Variants in CDH13 observed in about 807,000 individuals in gnomAD.
The protein encoded by CDH13 is cadherin-13.
CDH13 carries 24 observed loss-of-function variants against 63.8 expected under a neutral mutation model. That is an observed-to-expected ratio of 0.38 (90% confidence interval 0.27 to 0.53). The LOEUF (loss-of-function observed/expected upper bound fraction) is 0.53. Ranked by LOEUF, CDH13 falls within the 20% of genes least tolerant of loss-of-function variation. CDH13 has a pLI of 0.85. For missense variants in CDH13, 1,049 were observed against 903.1 expected, an observed-to-expected ratio of 1.16 and a Z score of -2.07; for synonymous variants, 503 against 355.3, an observed-to-expected ratio of 1.42 and a Z score of -4.67.
chr16:82,853,609 T>G (rs2039578030), intron 1 of CDH13, among the ~76,000 whole-genome samples: 2 of 152,244 alleles, frequency 1.3e-5, no homozygotes, highest in Non-Finnish European at 2.9e-5. Context: ...TGAACCAACG[T>G]GGCTTAAACC....
intron 4 of CDH13, among the ~76,000 whole-genome samples, chr16:83,140,315 C>T (rs921687283): frequency 6.6e-6 from 1 of 152,188 alleles, no homozygotes; most frequent in Non-Finnish European, 1.5e-5. Flanking sequence ...GTCTCAGAAA[C>T]CTTCTTCATG....
chr16:83,242,380 G>T (rs1904549334), intron 5 of CDH13, among the ~76,000 whole-genome samples: 1 of 152,188 alleles, frequency 6.6e-6, no homozygotes, highest in South Asian at 2.1e-4. Flanking sequence ...GAATTTTCTT[G>T]TGCCATATGA....
intron 5 of CDH13, among the ~76,000 whole-genome samples, chr16:83,224,579 G>T (rs2151796439): frequency 6.6e-6 from 1 of 152,312 alleles, no homozygotes; most frequent in Non-Finnish European, 1.5e-5. Flanking sequence ...AAAGGATTTG[G>T]GTTAAAAGCC....
chr16:83,393,498 A>G (rs2091826917), intron 6 of CDH13, among the ~76,000 whole-genome samples: 2 of 152,196 alleles, frequency 1.3e-5, no homozygotes, highest in Non-Finnish European at 2.9e-5. Flanking sequence ...AACAAAGTTC[A>G]TCTTTACTGA....
chr16:83,594,943 C>T (rs1907117534), intron 7 of CDH13, among the ~76,000 whole-genome samples: 1 of 152,120 alleles, frequency 6.6e-6, no homozygotes, highest in Non-Finnish European at 1.5e-5. Flanking sequence ...TGGAGATTCA[C>T]TCGAGGCTTT....
intron 5 of CDH13, among the ~76,000 whole-genome samples, chr16:83,252,802 C>A (rs1015391080): frequency 6.6e-6 from 1 of 152,040 alleles, no homozygotes; most frequent in Non-Finnish European, 1.5e-5. Flanking sequence ...TGCCCCCCAC[C>A]CCAATAAGGA....
intron 2 of CDH13, among the ~76,000 whole-genome samples, chr16:82,888,283 T>C (rs1485766448): frequency 6.6e-6 from 1 of 152,196 alleles, no homozygotes; most frequent in African/African-American, 2.4e-5. Context: ...TCATGAAATC[T>C]GGGAGAATAA....
In CDH13 at chr16:83,330,876, C is replaced by T. The variant is rs184741855; in HGVS notation, c.637-13986C>T. Among the ~76,000 whole-genome samples, 137 of 152,310 alleles carry T rather than the reference C, an allele frequency of 9.0e-4. 2 individuals are homozygous for T. Among genetic ancestry groups the T allele is most frequent in the Non-Finnish European group, 5.9e-5 (4 of 68,024 alleles). On this transcript the variant is annotated intron_variant, in intron 5 of 13. Coordinates refer to ENST00000567109, the MANE Select transcript of CDH13 (RefSeq NM_001257.5). ...CATCAGCAACATGCAAAAGACGCTT[C>T]TTAGATGCTTGAGACTGTAAACCCT...
At chr16:83,287,084 A>T (rs1052945597) in intron 5 of CDH13, among the ~76,000 whole-genome samples, 2 of 152,128 alleles carry the variant, frequency 1.3e-5, no homozygotes, top group Non-Finnish European at 2.9e-5. Context: ...AAAAGGCCAT[A>T]AATGTTTGAA....
chr16:83,647,445 T>C (rs1911938086), intron 8 of CDH13, among the ~76,000 whole-genome samples: 1 of 152,190 alleles, frequency 6.6e-6, no homozygotes, highest in African/African-American at 2.4e-5. Flanking sequence ...CCCATTTTGC[T>C]TGTGCTTCCA....
chr16:82,791,033 C>T (rs1456808338), intron 1 of CDH13, among the ~76,000 whole-genome samples: 2 of 152,096 alleles, frequency 1.3e-5, no homozygotes, highest in African/African-American at 4.8e-5. Flanking sequence ...GTCAGGAGAT[C>T]GAGACCATCC....
At chr16:83,750,079 C>A (rs146293022) in intron 11 of CDH13, among the ~76,000 whole-genome samples, 1 of 152,090 alleles carries the variant, frequency 6.6e-6, no homozygotes, top group Non-Finnish European at 1.5e-5. Flanking sequence ...GGGTGGATTA[C>A]AAGGCCAGGA....
intron 9 of CDH13, among the ~76,000 whole-genome samples, chr16:83,673,354 C>A (rs1914681096): frequency 6.6e-6 from 1 of 152,166 alleles, no homozygotes; most frequent in African/African-American, 2.4e-5. Flanking sequence ...CTACCAATCT[C>A]CGAGAAATCA....
chr16:83,529,736 C>G (rs1326511743), intron 7 of CDH13, among the ~76,000 whole-genome samples: 1 of 151,908 alleles, frequency 6.6e-6, no homozygotes, highest in Non-Finnish European at 1.5e-5. Flanking sequence ...AGAATTTTAT[C>G]TATTAAACGA....
rs74032603 is a variant in CDH13, at chr16:82,911,815, C to T, written c.157+53342C>T. On this transcript the variant is annotated intron_variant, in intron 2 of 13. Coordinates refer to ENST00000567109, the MANE Select transcript of CDH13 (RefSeq NM_001257.5). Reference sequence around the variant, plus strand: ...TCCTGTCCTGGAATCCTGGCTTTTACCACCAAATTCCCCAAAAGCCCCGTG... The same window carrying T: ...TCCTGTCCTGGAATCCTGGCTTTTATCACCAAATTCCCCAAAAGCCCCGTG... Among the ~76,000 whole-genome samples the T allele has an allele frequency of 9.8e-3, 1,495 of 152,198 alleles. 19 individuals are homozygous for T. The highest frequency in any genetic ancestry group is 0.035 in the African/African-American group (1,438 of 41,514).
chr16:83,215,359 A>G (rs557297352), intron 4 of CDH13, among the ~76,000 whole-genome samples: 93 of 151,906 alleles, frequency 6.1e-4, no homozygotes, highest in Non-Finnish European at 1.1e-3. Flanking sequence ...GATTACAGGC[A>G]TGAGCCACCA....
At chr16:82,801,510 C>T (rs373924588) in intron 1 of CDH13, among the ~76,000 whole-genome samples, 2 of 152,224 alleles carry the variant, frequency 1.3e-5, no homozygotes, top group Non-Finnish European at 2.9e-5. Context: ...TGATCAGATT[C>T]AGCCCTTGCT....
chr16:83,320,503 G>C (rs541764790), intron 5 of CDH13, among the ~76,000 whole-genome samples: 20 of 152,292 alleles, frequency 1.3e-4, no homozygotes, highest in African/African-American at 4.6e-4. Context: ...AAGAGAAATA[G>C]ATCAAAACAA....
intron 4 of CDH13, among the ~76,000 whole-genome samples, chr16:83,137,730 G>A (rs1179431802): frequency 1.3e-5 from 2 of 152,170 alleles, no homozygotes; most frequent in Non-Finnish European, 2.9e-5. Context: ...GTGAAGGAGT[G>A]GGGCCCAGGG....
Sources: allele counts gnomAD v4.1 joint callset (sites outside exome capture counted in the v4.1 genomes callset), GRCh38; gene constraint gnomAD v4.1.1; transcripts MANE v1.5; gene names NCBI Gene and HGNC (gene_info 2026-07-23, HGNC 2026-07-21).